SYCP2: variants seen among roughly 807,000 people sequenced by gnomAD.
SYCP2 encodes the protein synaptonemal complex lateral element protein.
In SYCP2, 55 loss-of-function variants were observed where a neutral mutation model predicts 211.3. That is an observed-to-expected ratio of 0.26 (90% CI 0.21 to 0.33). The LOEUF is 0.33. Ranked by LOEUF, SYCP2 falls within the 10% of genes least tolerant of loss-of-function variation. The pLI, the probability that SYCP2 is intolerant of heterozygous loss-of-function variation, is 1.00. For missense variants in SYCP2, 1,731 were observed against 1,752.0 expected (o/e 0.99, Z 0.21); for synonymous variants, 570 against 555.2 (o/e 1.03, Z -0.37).
chr20:59,897,804 C>A (rs1165746425), intron 18 of SYCP2, among the ~76,000 whole-genome samples: 1 of 151,996 alleles, frequency 6.6e-6, no homozygotes, highest in East Asian at 1.9e-4. Flanking sequence ...AAAAAATGGG[C>A]CGGGTGCAGT....
At chr20:59,888,034 C>G (rs2059830114) in intron 24 of SYCP2, among the ~76,000 whole-genome samples, 1 of 151,926 alleles carries the variant, frequency 6.6e-6, no homozygotes, top group Non-Finnish European at 1.5e-5. Context: ...TACTTGATAT[C>G]CTACCAAAAC....
At chr20:59,909,023 C>T (rs981712955) in intron 14 of SYCP2, among the ~76,000 whole-genome samples, 1 of 152,114 alleles carries the variant, frequency 6.6e-6, no homozygotes, top group African/African-American at 2.4e-5. Flanking sequence ...TTTATTTAAC[C>T]TCCCCTCTCA....
intron 19 of SYCP2, among the ~76,000 whole-genome samples, chr20:59,896,119 T>C (rs929362190): frequency 6.6e-6 from 1 of 152,076 alleles, no homozygotes; most frequent in African/African-American, 2.4e-5. Context: ...CTGTACAAAG[T>C]ACACAGCTGG....
intron 3 of SYCP2, among the ~76,000 whole-genome samples, chr20:59,922,170 T>A (rs1003410944): frequency 6.6e-6 from 1 of 151,652 alleles, no homozygotes; most frequent in Non-Finnish European, 1.5e-5. Flanking sequence ...AAGGTAGGTA[T>A]AAAGAATCAG....
chr20:59,932,754 C>A (rs904648870), intron 1 of SYCP2, among the ~76,000 whole-genome samples: 11 of 152,168 alleles, frequency 7.2e-5, no homozygotes. Flanking sequence ...CAGAAAAGGC[C>A]GCACGTGGAG....
chr20:59,866,275 A>C lies in SYCP2; in HGVS notation c.4320+18T>G. On this transcript the variant is annotated intron_variant, in intron 41 of 44. Coordinates refer to ENST00000357552, the MANE Select transcript of SYCP2 (RefSeq NM_014258.4). ...ATAAGGTTTTAAACTTATTTAAAAA[A>C]TTTTTAAAGTAACAAACCACAAATT... 1 of 1,525,764 alleles carries C rather than the reference A, an allele frequency of 6.6e-7. No individual in the cohort carries two copies. Among genetic ancestry groups the C allele is most frequent in the East Asian group, 2.3e-5 (1 of 44,064 alleles). 94.5% of individuals were successfully genotyped at this position (1,525,764 alleles called of 1,614,324 possible). A position where few individuals can be genotyped will look rare whatever the true frequency, so the allele number is the denominator to read the frequency against.
chr20:59,922,444 A>G lies in SYCP2; in HGVS notation c.-31T>C. ...CTTCATTTAAAAAAAAAAAAAAAGC[A>G]AGACAAAATAAACACCTATAAAAGA... On this transcript the variant is annotated 5_prime_UTR_variant, in exon 3 of 45. Coordinates refer to ENST00000357552, the MANE Select transcript of SYCP2 (RefSeq NM_014258.4). The G allele has an allele frequency of 2.1e-6, 3 of 1,457,028 alleles. No individual in the cohort carries two copies. The highest frequency in any genetic ancestry group is 2.8e-6 in the Non-Finnish European group (3 of 1,067,216). The allele number at this position is 1,457,028 out of a possible 1,614,324, so 90.3% of individuals were successfully genotyped here.
chr20:59,927,732 C>A (rs1300357066), intron 2 of SYCP2, among the ~76,000 whole-genome samples: 1 of 152,100 alleles, frequency 6.6e-6, no homozygotes, highest in Non-Finnish European at 1.5e-5. Context: ...CTCTCTATTT[C>A]TTTAATTTAC....
At chr20:59,914,288 T>C (rs574267078) in intron 10 of SYCP2, 37 bp from the exon 11 acceptor site, 13 of 1,325,280 alleles carry the variant, frequency 9.8e-6, no homozygotes, top group Admixed American at 2.2e-5. Context: ...TTTACAATTA[T>C]GAAAATTAAG....
chr20:59,899,783 T>C (rs1351466605), intron 18 of SYCP2, among the ~76,000 whole-genome samples: 1 of 144,850 alleles, frequency 6.9e-6, no homozygotes, highest in Non-Finnish European at 1.5e-5. Flanking sequence ...AAGAACCTCA[T>C]ACTTTTTTTT....
chr20:59,886,826 C>A lies in SYCP2; in HGVS notation c.2373G>T (p.Lys791Asn). 1 of 1,571,142 alleles carries A rather than the reference C, an allele frequency of 6.4e-7. No individual in the cohort carries two copies. The highest frequency in any genetic ancestry group is 8.6e-7 in the Non-Finnish European group (1 of 1,167,130). ...CATTGGTAAATTCTTTCCCTTTTGA[C>A]TTTTCTCTCTGAAAAAAATTGTAAG... ...WDSKQKKMREKSKGKEFTNVA... is the reference protein window; with the variant it reads ...WDSKQKKMRENSKGKEFTNVA... The change falls in exon 25 of 45, where the codon AAG becomes AAT. Residue 791 changes from lysine to asparagine, a missense_variant. Lys to Asn is a moderately conservative substitution (Grantham distance 94, BLOSUM62 0). Transcript: ENST00000357552.
intron 38 of SYCP2, among the ~76,000 whole-genome samples, chr20:59,868,056 A>G (rs184297809): frequency 3.9e-5 from 6 of 151,988 alleles, no homozygotes; most frequent in Non-Finnish European, 5.9e-5. Context: ...TGGTATGGCT[A>G]TTACAGCAGA....
In SYCP2 at chr20:59,863,911, G is replaced by C. The variant is rs2059280291; in HGVS notation, c.*400C>G. On this transcript the variant is annotated 3_prime_UTR_variant, in exon 45 of 45. Transcript: ENST00000357552. ...TGTAAGTGTGGCTAAATTTTTATTA[G>C]TTGAATTCTAAGTTATTAAACATAT... 6.6e-6 allele frequency: 1 copy of C among 152,122 alleles called. No homozygotes were observed. Among genetic ancestry groups the C allele is most frequent in the Non-Finnish European group, 1.5e-5 (1 of 68,090 alleles). The allele number at this position is 152,122 out of a possible 1,614,324, so 9.4% of individuals were successfully genotyped here. A position where few individuals can be genotyped will look rare whatever the true frequency, so the allele number is the denominator to read the frequency against.
intron 24 of SYCP2, 21 bp downstream of exon 24, chr20:59,891,969 C>A: frequency 1.9e-6 from 3 of 1,552,620 alleles, no homozygotes; most frequent in South Asian, 2.6e-5. Context: ...ATGCAGAAAT[C>A]AAAACACATT....
rs113034145 is a variant in SYCP2 at position 59,922,313 on chromosome 20, T to C, written c.24+77A>G. 2.5e-4 allele frequency: 323 copies of C among 1,272,164 alleles called. 3 individuals are homozygous for C. The African/African-American group carries it at 4.3e-3, about 17-fold the overall frequency. The allele number at this position is 1,272,164 out of a possible 1,614,324, so 78.8% of individuals were successfully genotyped here. A position where few individuals can be genotyped will look rare whatever the true frequency, so the allele number is the denominator to read the frequency against. On this transcript the variant is annotated intron_variant, in intron 3 of 44. Transcript: ENST00000357552. The stretch of plus-strand genomic sequence containing the variant: ...GTAAGCTTTATCATTGCTAAAAACA[T>C]AGCACTGAATACCTATAAGTAAACA...
intron 26 of SYCP2, 28 bp downstream of exon 26, chr20:59,885,900 T>C (rs1048320272): frequency 3.2e-6 from 5 of 1,559,652 alleles, no homozygotes; most frequent in African/African-American, 2.7e-5. Context: ...GACTATAGAT[T>C]TGGTGAAGTT....
chr20:59,868,980 AT>A, intron 36 of SYCP2, 55 bp from the exon 37 acceptor site: 1 of 1,307,288 alleles, frequency 7.6e-7, no homozygotes, highest in Non-Finnish European at 1.1e-6. Context: ...TTCAATTCAC[AT>A]TTTATCACCT....
chr20:59,922,301 T>C (rs968749950), intron 3 of SYCP2, 89 bp downstream of exon 3: 2 of 1,160,926 alleles, frequency 1.7e-6, no homozygotes, highest in East Asian at 2.6e-5. Flanking sequence ...AGCTTTATCA[T>C]TGCTAAAAAC....
Position 59,880,460 on chromosome 20 carries a change from A to T in SYCP2, c.2784T>A (p.Asn928Lys). 1 of 1,565,372 alleles carries T rather than the reference A, an allele frequency of 6.4e-7. No individual in the cohort carries two copies. The highest frequency in any genetic ancestry group is 8.7e-7 in the Non-Finnish European group (1 of 1,152,084). Reference sequence around the variant, plus strand: ...CACTAAACAGATTTTTCTTTTGATGATTTGTTATAATCTATAAAAAAAAGT... The same window carrying T: ...CACTAAACAGATTTTTCTTTTGATGTTTTGTTATAATCTATAAAAAAAAGT... The part of the protein sequence containing the change: ...VKTKDKKIIT[N>K]HQKKNLFSDT... The change falls in exon 31 of 45, where the codon AAT becomes AAA. Residue 928 changes from asparagine (N) to lysine (K), a missense_variant. Around this residue, in one of 3 missense-constraint regions of SYCP2, gnomAD observed 1,387 missense variants for 1,351.3 expected, o/e 1.03. Transcript: ENST00000357552.
Sources: allele counts gnomAD v4.1 joint callset (sites outside exome capture counted in the v4.1 genomes callset), GRCh38; gene constraint gnomAD v4.1.1; regional missense constraint gnomAD v4.1.1; transcripts MANE v1.5; gene names NCBI Gene and HGNC (gene_info 2026-07-23, HGNC 2026-07-21).